CMPK1: variants seen among roughly 807,000 people sequenced by gnomAD.
CMPK1 encodes cytidine/uridine monophosphate kinase 1, also known as UMP-CMP kinase.
A neutral mutation model predicts 25.7 loss-of-function variants in CMPK1; 10 were observed. That is an observed-to-expected ratio of 0.39 (90% confidence interval 0.24 to 0.66). CMPK1 has a LOEUF of 0.66. Among genes scored for constraint, CMPK1 ranks in the 30% least tolerant of loss-of-function variants. CMPK1 has a pLI of 0.48. For synonymous variants in CMPK1, 106 were observed against 101.5 expected, an observed-to-expected ratio of 1.04 and a Z score of -0.27; for missense variants, 199 against 280.5, an observed-to-expected ratio of 0.71 and a Z score of 2.08.
chr1:47,370,974 A>ATAAATAAG (rs1252537936), intron 2 of CMPK1, among the ~76,000 whole-genome samples: 1 of 151,580 alleles, frequency 6.6e-6, no homozygotes, highest in South Asian at 2.1e-4. Flanking sequence ...AAATAAATAA[A>ATAAATAAG]TAAATAAATG....
chr1:47,346,965 G>T (rs972916651), intron 1 of CMPK1, among the ~76,000 whole-genome samples: 2 of 151,148 alleles, frequency 1.3e-5, no homozygotes, highest in African/African-American at 4.9e-5. Context: ...TGTATTTTTA[G>T]TAGAGACGGG....
intron 1 of CMPK1, 76 bp downstream of exon 1, chr1:47,334,192 G>T: frequency 8.3e-7 from 1 of 1,200,926 alleles, no homozygotes; most frequent in Non-Finnish European, 1.0e-6. Flanking sequence ...CCCCTAGTCC[G>T]CGCCCCGCGG....
intron 4 of CMPK1, 71 bp from the exon 5 acceptor site, chr1:47,375,126 G>A: frequency 1.5e-6 from 2 of 1,318,692 alleles, no homozygotes; most frequent in Non-Finnish European, 2.2e-6. Flanking sequence ...CCAGTGTTCT[G>A]TGAGCTCTCC....
At chr1:47,342,939 C>T (rs998087976) in intron 1 of CMPK1, among the ~76,000 whole-genome samples, 5 of 150,796 alleles carry the variant, frequency 3.3e-5, no homozygotes, top group African/African-American at 4.9e-5. Context: ...TAAGCCACTG[C>T]GCCCGGCAAT....
intron 1 of CMPK1, chr1:47,358,512 G>A: frequency 9.9e-7 from 1 of 1,012,896 alleles, no homozygotes; most frequent in Non-Finnish European, 1.2e-6. Context: ...ATGTGTAGAT[G>A]TCATTTTTGG....
intron 2 of CMPK1, among the ~76,000 whole-genome samples, chr1:47,369,534 C>G (rs1449022870): frequency 6.6e-6 from 1 of 152,166 alleles, no homozygotes; most frequent in South Asian, 2.1e-4. Context: ...TCCTCCCTCT[C>G]CTGCTCCCTT....
intron 1 of CMPK1, 84 bp from the exon 2 acceptor site, chr1:47,368,385 G>A: frequency 8.7e-7 from 1 of 1,144,750 alleles, no homozygotes; most frequent in Non-Finnish European, 1.2e-6. Context: ...TTAGAATATA[G>A]AAATTAACAC....
rs1646636412 is a variant in CMPK1 at position 47,365,866 on chromosome 1, A to C, written c.172-2603A>C. 2.6e-5 allele frequency among the ~76,000 whole-genome samples: 4 copies of C among 152,066 alleles called. No individual in the cohort carries two copies. The South Asian group carries it at 8.3e-4, about 32-fold the overall frequency. ...GTTAAAATTTTAGGCACTTATTCTAAATGAATTGAGTTTATATATTTGTCA... is the reference window on the plus strand; with the variant it reads ...GTTAAAATTTTAGGCACTTATTCTACATGAATTGAGTTTATATATTTGTCA... On this transcript the variant is annotated intron_variant, in intron 1 of 5. Coordinates refer to ENST00000371873, the MANE Select transcript of CMPK1 (RefSeq NM_016308.3).
intron 2 of CMPK1, among the ~76,000 whole-genome samples, chr1:47,370,734 C>G (rs1007522920): frequency 7.3e-6 from 1 of 137,608 alleles, no homozygotes; most frequent in African/African-American, 2.7e-5. Flanking sequence ...GTCAGGAGTT[C>G]AAGACCAACA....
At chr1:47,338,951 CCT>C (rs1646419651) in intron 1 of CMPK1, among the ~76,000 whole-genome samples, 1 of 152,004 alleles carries the variant, frequency 6.6e-6, no homozygotes, top group Non-Finnish European at 1.5e-5. Context: ...AATATTTAAA[CCT>C]CTCTTTTAAA....
chr1:47,354,221 C>T (rs566757639), intron 1 of CMPK1, among the ~76,000 whole-genome samples: 191 of 151,996 alleles, frequency 1.3e-3, no homozygotes, highest in Non-Finnish European at 2.3e-3. Flanking sequence ...CCCAGCTACT[C>T]GGGAGGCTAA....
chr1:47,340,725 C>G (rs1477752329), intron 1 of CMPK1, among the ~76,000 whole-genome samples: 2 of 152,082 alleles, frequency 1.3e-5, no homozygotes, highest in African/African-American at 2.4e-5. Context: ...ACAACCTCTG[C>G]CTCCTGGGTT....
At chr1:47,356,954 C>T (rs1351431430) in intron 1 of CMPK1, among the ~76,000 whole-genome samples, 1 of 139,876 alleles carries the variant, frequency 7.1e-6, no homozygotes, top group African/African-American at 2.6e-5. Context: ...AGCCACCGCA[C>T]CTGGTCTGCC....
At chr1:47,352,601 A>G (rs1646530979) in intron 1 of CMPK1, among the ~76,000 whole-genome samples, 2 of 152,174 alleles carry the variant, frequency 1.3e-5, no homozygotes, top group African/African-American at 2.4e-5. Flanking sequence ...ATTAAATCAG[A>G]TTAGTGGGAT....
At chr1:47,364,257 C>T (rs1020180041) in intron 1 of CMPK1, among the ~76,000 whole-genome samples, 2 of 152,098 alleles carry the variant, frequency 1.3e-5, no homozygotes, top group African/African-American at 2.4e-5. Flanking sequence ...AGATGTAAAT[C>T]TAAAGGACGC....
intron 1 of CMPK1, chr1:47,358,449 T>C: frequency 8.4e-7 from 1 of 1,188,752 alleles, no homozygotes; most frequent in South Asian, 1.6e-5. Flanking sequence ...GAGATTCTTC[T>C]AGTTGTAACA....
At chr1:47,351,456 G>C (rs1019945614) in intron 1 of CMPK1, among the ~76,000 whole-genome samples, 4 of 152,132 alleles carry the variant, frequency 2.6e-5, no homozygotes, top group Non-Finnish European at 4.4e-5. Context: ...TCCATTATAT[G>C]TATGCAGCAC....
intron 1 of CMPK1, among the ~76,000 whole-genome samples, chr1:47,349,208 C>G (rs933997156): frequency 2.6e-5 from 4 of 152,176 alleles, no homozygotes; most frequent in Non-Finnish European, 4.4e-5. Context: ...CCAGTAGATT[C>G]TGTTATTCAA....
Position 47,375,240 on chromosome 1 carries a change from T to C in CMPK1, c.592T>C (p.Tyr198His), listed in dbSNP as rs1646700077. The change falls in exon 5 of 6, where the codon TAT becomes CAT. Residue 198 changes from tyrosine to histidine, a missense_variant. Around this residue, in one of 2 missense-constraint regions of CMPK1, gnomAD observed 140 missense variants for 235.5 expected, o/e 0.59. Coordinates refer to ENST00000371873, the MANE Select transcript of CMPK1 (RefSeq NM_016308.3). Reference sequence around the variant, plus strand: ...GTCAACAAAGCCAATTATTGACTTATATGAAGAAATGGGGAAAGTCAAGAA... The same window carrying C: ...GTCAACAAAGCCAATTATTGACTTACATGAAGAAATGGGGAAAGTCAAGAA... ...LQSTKPIIDL[Y>H]EEMGKVKKID... 1 of 1,609,734 alleles carries C rather than the reference T, an allele frequency of 6.2e-7. No homozygotes were observed.
Sources: allele counts gnomAD v4.1 joint callset (sites outside exome capture counted in the v4.1 genomes callset), GRCh38; gene constraint gnomAD v4.1.1; regional missense constraint gnomAD v4.1.1; transcripts MANE v1.5; gene names NCBI Gene and HGNC (gene_info 2026-07-23, HGNC 2026-07-21).